PHF20: variants seen among roughly 807,000 people sequenced by gnomAD.
PHF20 encodes the protein PHD finger protein 20, also known as glioma-expressed antigen 2.
Under a neutral mutation model 113.5 loss-of-function variants are expected in PHF20, and 23 were observed. The observed-to-expected ratio is 0.20, with a 90% CI of 0.15 to 0.29. The LOEUF (loss-of-function observed/expected upper bound fraction) is 0.29, where lower values mean the gene tolerates loss of function less well. Ranked by LOEUF, PHF20 falls within the 10% of genes least tolerant of loss-of-function variation. The pLI, the probability that PHF20 is intolerant of heterozygous loss-of-function variation, is 1.00. For missense variants in PHF20, 943 were observed against 1,219.6 expected (o/e 0.77, Z 3.38); for synonymous variants, 434 against 457.3 (o/e 0.95, Z 0.65).
intron 9 of PHF20, among the ~76,000 whole-genome samples, chr20:35,883,634 GT>G (rs2054674452): frequency 6.6e-6 from 1 of 152,154 alleles, no homozygotes; most frequent in Non-Finnish European, 1.5e-5. Flanking sequence ...TAGAGACAGG[GT>G]TTTGCCATTT....
chr20:35,789,738 G>C (rs1439177268), intron 1 of PHF20, among the ~76,000 whole-genome samples: 5 of 151,420 alleles, frequency 3.3e-5, no homozygotes, highest in Non-Finnish European at 5.9e-5. Context: ...AGTGGAGACA[G>C]GGTTTCACCA....
At chr20:35,778,686 G>C (rs942590719) in intron 1 of PHF20, among the ~76,000 whole-genome samples, 1 of 151,238 alleles carries the variant, frequency 6.6e-6, no homozygotes, top group Non-Finnish European at 1.5e-5. Flanking sequence ...CCGAGAGGCA[G>C]AGGTTGCAGT....
At chr20:35,910,940 G>A (rs1271344314) in intron 10 of PHF20, among the ~76,000 whole-genome samples, 3 of 151,958 alleles carry the variant, frequency 2.0e-5, no homozygotes, top group Non-Finnish European at 4.4e-5. Flanking sequence ...TCATTTTGCA[G>A]ACTATTGTAG....
intron 10 of PHF20, among the ~76,000 whole-genome samples, chr20:35,910,576 C>G (rs551976031): frequency 3.3e-4 from 50 of 152,202 alleles, no homozygotes; most frequent in Non-Finnish European, 5.0e-4. Flanking sequence ...CTCCCCTCCC[C>G]CTGAGCTCCA....
chr20:35,857,103 T>C (rs1600834134), intron 4 of PHF20, among the ~76,000 whole-genome samples: 1 of 152,266 alleles, frequency 6.6e-6, no homozygotes. Context: ...GTGGGGGAAT[T>C]GGTTCTAAAA....
intron 1 of PHF20, among the ~76,000 whole-genome samples, chr20:35,795,981 G>T (rs1251890336): frequency 6.6e-6 from 1 of 152,090 alleles, no homozygotes; most frequent in African/African-American, 2.4e-5. Flanking sequence ...CTCCTGAGTA[G>T]CTGGGACTAC....
intron 2 of PHF20, among the ~76,000 whole-genome samples, chr20:35,831,204 G>A (rs1256396127): frequency 6.9e-6 from 1 of 145,690 alleles, no homozygotes; most frequent in African/African-American, 2.6e-5. Flanking sequence ...CTATCACCCA[G>A]GGTGGAGTTC....
intron 9 of PHF20, among the ~76,000 whole-genome samples, chr20:35,874,891 G>A (rs1365939265): frequency 1.3e-5 from 2 of 151,822 alleles, no homozygotes; most frequent in Non-Finnish European, 2.9e-5. Flanking sequence ...TTCAAGACTC[G>A]CTATATTGAA....
intron 10 of PHF20, among the ~76,000 whole-genome samples, chr20:35,908,210 G>C (rs2055235094): frequency 1.3e-5 from 2 of 152,210 alleles, no homozygotes; most frequent in Non-Finnish European, 2.9e-5. Context: ...GAGACTTCCT[G>C]TGCACCTGGC....
intron 10 of PHF20, among the ~76,000 whole-genome samples, chr20:35,902,496 C>T (rs149903863): frequency 0.012 from 1,845 of 152,306 alleles, 48 homozygotes; most frequent in African/African-American, 0.043. Context: ...TGTGCTAGGA[C>T]ATAGTGCCTC....
At chr20:35,828,139 T>A (rs1228554857) in intron 2 of PHF20, among the ~76,000 whole-genome samples, 1 of 152,100 alleles carries the variant, frequency 6.6e-6, no homozygotes, top group Non-Finnish European at 1.5e-5. Flanking sequence ...TTCTCCTGCC[T>A]CAGCCTCCCG....
At chr20:35,931,593 C>T in intron 15 of PHF20, 149 bp downstream of exon 15, 1 of 543,984 alleles carries the variant, frequency 1.8e-6, no homozygotes, top group Non-Finnish European at 3.1e-6. Flanking sequence ...TCAGGATAAA[C>T]ATTCTTTAAA....
chr20:35,938,973 G>A lies in PHF20; in HGVS notation c.2577G>A (p.Thr859=), dbSNP rs148086577. ...PAVEQKLVVE[T]RGSALDDAVN... is the part of the protein sequence containing the mutation. ...TGGAGCAGAAGCTGGTGGTGGAGAC[G>A]AGGGGCTCTGCCCTCGACGATGCGG... The change falls in exon 16 of 18, where the codon ACG becomes ACA. Residue 859 remains threonine, a synonymous_variant. Transcript: ENST00000374012. 1,664 of 1,614,126 alleles carry A rather than the reference G, an allele frequency of 1.0e-3. 15 individuals carry two copies. In the African/African-American group the frequency reaches 0.019, roughly 18 times the overall value.
intron 2 of PHF20, 98 bp from the exon 3 acceptor site, chr20:35,842,475 T>C (rs1309623878): frequency 1.8e-6 from 2 of 1,102,018 alleles, no homozygotes; most frequent in East Asian, 4.7e-5. Context: ...CCTGGTAACC[T>C]TCTCCTTTGG....
intron 17 of PHF20, among the ~76,000 whole-genome samples, chr20:35,943,449 G>A (rs936126928): frequency 6.8e-6 from 1 of 147,698 alleles, no homozygotes; most frequent in South Asian, 2.1e-4. Context: ...AGCTATGATC[G>A]TGTCACTGTA....
At position 35,863,300 on chromosome 20, in the gene PHF20, A is replaced by G. The variant is rs865823589; in HGVS notation, c.708A>G (p.Gln236=). ...ACAGAGAGTATTCTGGAGATGCCCAAGTGGATAAGAAACCTGAAAATGACA... is the reference window on the plus strand; with the variant it reads ...ACAGAGAGTATTCTGGAGATGCCCAGGTGGATAAGAAACCTGAAAATGACA... ...ENDREYSGDA[Q]VDKKPENDIV... is the part of the protein sequence containing the mutation. Residue 236 remains glutamine, a synonymous_variant, in exon 6 of 18, where the codon CAA becomes CAG. Coordinates refer to ENST00000374012, the MANE Select transcript of PHF20 (RefSeq NM_016436.5). The G allele has an allele frequency of 3.1e-6, 5 of 1,614,054 alleles. No homozygotes were observed. In the African/African-American group the frequency reaches 5.3e-5, roughly 17 times the overall value.
At chr20:35,845,433 T>A in intron 3 of PHF20, 1 of 391,900 alleles carries the variant, frequency 2.6e-6, no homozygotes, top group Non-Finnish European at 5.2e-6. Context: ...TGGTGCAGTC[T>A]TGGCTTAATG....
intron 16 of PHF20, 129 bp downstream of exon 16, chr20:35,939,237 G>A: frequency 8.6e-7 from 1 of 1,167,104 alleles, no homozygotes; most frequent in Non-Finnish European, 1.2e-6. Flanking sequence ...CCATAGATAT[G>A]TTTTGGTTTG....
At chr20:35,880,237 C>A (rs1001296545) in intron 9 of PHF20, among the ~76,000 whole-genome samples, 1 of 151,974 alleles carries the variant, frequency 6.6e-6, no homozygotes, top group South Asian at 2.1e-4. Context: ...TGCACGGGAA[C>A]CTGAAGGATG....
Sources: allele counts gnomAD v4.1 joint callset (sites outside exome capture counted in the v4.1 genomes callset), GRCh38; gene constraint gnomAD v4.1.1; transcripts MANE v1.5; gene names NCBI Gene and HGNC (gene_info 2026-07-23, HGNC 2026-07-21).